UGGT1: variants seen among roughly 807,000 people sequenced by gnomAD.
UGGT1 encodes UDP-glucose:glycoprotein glucosyltransferase 1.
UGGT1 carries 107 observed loss-of-function variants against 203.9 expected under a neutral mutation model. That is an observed-to-expected ratio of 0.52 (90% CI 0.45 to 0.62). UGGT1 has a LOEUF of 0.62. UGGT1 is among the 20% of genes least tolerant of loss of function. The pLI, the probability that UGGT1 is intolerant of heterozygous loss-of-function variation, is 0.00. For synonymous variants in UGGT1, 628 were observed against 653.5 expected (o/e 0.96, Z 0.59); for missense variants, 1,673 against 1,867.2 (o/e 0.90, Z 1.92).
chr2:128,136,195 A>G (rs1210605900), intron 15 of UGGT1, among the ~76,000 whole-genome samples: 1 of 152,212 alleles, frequency 6.6e-6, no homozygotes, highest in Admixed American at 6.5e-5. Flanking sequence ...GTGGTCCTGC[A>G]TGTTGGCTGC....
intron 20 of UGGT1, 61 bp from the exon 21 acceptor site, chr2:128,156,331 G>A (rs1690226956): frequency 2.3e-6 from 3 of 1,282,610 alleles, no homozygotes; most frequent in Admixed American, 1.7e-5. Context: ...AATTTTTACA[G>A]TAGGCATTCA....
Position 128,192,801 on chromosome 2 carries a change from C to T in UGGT1, c.*3059C>T, listed in dbSNP as rs1032388222. 14 of 151,946 alleles carry T rather than the reference C, an allele frequency of 9.2e-5. No individual in the cohort carries two copies. The highest frequency in any genetic ancestry group is 3.4e-4 in the African/African-American group (14 of 41,368). The allele number at this position is 151,946 out of a possible 1,614,324, so 9.4% of individuals were successfully genotyped here. ...TTGTACATCTGTCATTGTTGCATTTCGAATTGAACACATAGATGCTTGCCT... is the reference window on the plus strand; with the variant it reads ...TTGTACATCTGTCATTGTTGCATTTTGAATTGAACACATAGATGCTTGCCT... On this transcript the variant is annotated 3_prime_UTR_variant, in exon 41 of 41. Transcript: ENST00000259253.
rs753885332 is a variant in UGGT1, at chr2:128,189,895, C to T, written c.*153C>T. On this transcript the variant is annotated 3_prime_UTR_variant, in exon 41 of 41. Transcript: ENST00000259253. ...TGAGCATTTGATTCTGACTTCTGTA[C>T]TCTGGTGGCCACTGGATCTTTGGGA... The T allele has an allele frequency of 1.1e-5, 8 of 757,076 alleles. No individual in the cohort carries two copies. In the Admixed American group the frequency reaches 1.3e-4, roughly 12 times the overall value. 46.9% of individuals were successfully genotyped at this position (757,076 alleles called of 1,614,324 possible). A position where few individuals can be genotyped will look rare whatever the true frequency, so the allele number is the denominator to read the frequency against.
At chr2:128,182,075 C>A in intron 36 of UGGT1, 55 bp from the exon 37 acceptor site, 1 of 1,564,384 alleles carries the variant, frequency 6.4e-7, no homozygotes, top group Non-Finnish European at 8.7e-7. Flanking sequence ...CTGAAGGAAA[C>A]CGCATTAGAG....
intron 15 of UGGT1, among the ~76,000 whole-genome samples, chr2:128,136,724 C>T (rs748945033): frequency 1.3e-5 from 2 of 152,196 alleles, no homozygotes; most frequent in Non-Finnish European, 2.9e-5. Context: ...CGGGTAAATA[C>T]CGAGGAGCGT....
chr2:128,181,421 T>C (rs1412399352), intron 36 of UGGT1, among the ~76,000 whole-genome samples: 2 of 152,186 alleles, frequency 1.3e-5, no homozygotes, highest in East Asian at 3.8e-4. Context: ...TTGTCATGGG[T>C]AATAGACGAA....
At chr2:128,186,979 T>C (rs1236441139) in intron 39 of UGGT1, among the ~76,000 whole-genome samples, 180 bp downstream of exon 39, 1 of 152,214 alleles carries the variant, frequency 6.6e-6, no homozygotes, top group East Asian at 1.9e-4. Flanking sequence ...CTTATAAATA[T>C]TCTTATCTTA....
At chr2:128,110,429 C>G (rs890357198) in intron 5 of UGGT1, among the ~76,000 whole-genome samples, 1 of 152,176 alleles carries the variant, frequency 6.6e-6, no homozygotes, top group Admixed American at 6.5e-5. Flanking sequence ...CCTCTGCCCA[C>G]CAAATGGCAT....
intron 11 of UGGT1, among the ~76,000 whole-genome samples, chr2:128,126,734 G>C (rs1688622493): frequency 1.4e-5 from 1 of 69,526 alleles, no homozygotes; most frequent in African/African-American, 4.1e-5. Flanking sequence ...TCAAGCTGGA[G>C]TGCAGTGGTG....
At chr2:128,121,341 C>T (rs911697655) in intron 10 of UGGT1, 43 bp downstream of exon 10, 9 of 1,391,942 alleles carry the variant, frequency 6.5e-6, no homozygotes, top group Non-Finnish European at 8.9e-6. Context: ...CATACCCAGT[C>T]ATCGTCATGT....
intron 2 of UGGT1, among the ~76,000 whole-genome samples, chr2:128,101,111 C>T (rs1573492829): frequency 6.6e-6 from 1 of 152,124 alleles, no homozygotes; most frequent in Non-Finnish European, 1.5e-5. Flanking sequence ...TATACAGTTT[C>T]CCAAGGTAAT....
In UGGT1 at chr2:128,192,643, C is replaced by T. The variant is rs11542864; in HGVS notation, c.*2901C>T. Reference sequence around the variant, plus strand: ...GTGTACAGTGGCATTTGATTGAGATCAAAGCCTGTCACAGCCTGCTGCTGG... The same window carrying T: ...GTGTACAGTGGCATTTGATTGAGATTAAAGCCTGTCACAGCCTGCTGCTGG... On this transcript the variant is annotated 3_prime_UTR_variant, in exon 41 of 41. Transcript: ENST00000259253. The T allele has an allele frequency of 0.13, 20,375 of 152,142 alleles. 1,766 individuals are homozygous for T. The highest frequency in any genetic ancestry group is 0.19 in the Non-Finnish European group (12,836 of 68,000). The allele number at this position is 152,142 out of a possible 1,614,324, so 9.4% of individuals were successfully genotyped here. A position where few individuals can be genotyped will look rare whatever the true frequency, so the allele number is the denominator to read the frequency against.
In UGGT1 at chr2:128,091,252, C is replaced by G. The variant is rs993032464; in HGVS notation, c.-106C>G. 1.6e-6 allele frequency: 2 copies of G among 1,231,396 alleles called. No homozygotes were observed. The highest frequency in any genetic ancestry group is 3.2e-5 in the African/African-American group (2 of 62,974). The allele number at this position is 1,231,396 out of a possible 1,614,324, so 76.3% of individuals were successfully genotyped here. A position where few individuals can be genotyped will look rare whatever the true frequency, so the allele number is the denominator to read the frequency against. Reference sequence around the variant, plus strand: ...GTGTTGAGTCGAGCCGCGGGAAAGGCGCGTGTCGGCCTCTCACTGGCGCAG... The same window carrying G: ...GTGTTGAGTCGAGCCGCGGGAAAGGGGCGTGTCGGCCTCTCACTGGCGCAG... On this transcript the variant is annotated 5_prime_UTR_variant, in exon 1 of 41. Transcript: ENST00000259253.
chr2:128,111,031 T>C (rs1169204077), intron 5 of UGGT1, among the ~76,000 whole-genome samples: 1 of 152,172 alleles, frequency 6.6e-6, no homozygotes, highest in African/African-American at 2.4e-5. Flanking sequence ...ATAAGTTTTT[T>C]TGGGAGAAGT....
chr2:128,099,197 G>A (rs1249980734), intron 2 of UGGT1, among the ~76,000 whole-genome samples: 1 of 152,150 alleles, frequency 6.6e-6, no homozygotes, highest in Non-Finnish European at 1.5e-5. Flanking sequence ...AGGCTAGAGT[G>A]TAGTGGTGTG....
rs1300984845 is a variant in UGGT1, at chr2:128,192,797, A to G, written c.*3055A>G. On this transcript the variant is annotated 3_prime_UTR_variant, in exon 41 of 41. Transcript: ENST00000259253. ...AAAGTTGTACATCTGTCATTGTTGCATTTCGAATTGAACACATAGATGCTT... is the reference window on the plus strand; with the variant it reads ...AAAGTTGTACATCTGTCATTGTTGCGTTTCGAATTGAACACATAGATGCTT... 1.2e-4 allele frequency: 19 copies of G among 152,026 alleles called. No homozygotes were observed. Among genetic ancestry groups the G allele is most frequent in the Admixed American group, 1.2e-3 (19 of 15,242 alleles). The allele number at this position is 152,026 out of a possible 1,614,324, so 9.4% of individuals were successfully genotyped here. A position where few individuals can be genotyped will look rare whatever the true frequency, so the allele number is the denominator to read the frequency against.
intron 26 of UGGT1, among the ~76,000 whole-genome samples, chr2:128,167,799 G>A (rs1006807473): frequency 6.7e-6 from 1 of 150,148 alleles, no homozygotes; most frequent in Non-Finnish European, 1.5e-5. Context: ...GTTTTTTTTC[G>A]AGTCCCTTTT....
intron 19 of UGGT1, among the ~76,000 whole-genome samples, 186 bp from the exon 20 acceptor site, chr2:128,155,303 C>T (rs1690174080): frequency 6.6e-6 from 1 of 152,170 alleles, no homozygotes; most frequent in Non-Finnish European, 1.5e-5. Flanking sequence ...AACCTTGTGT[C>T]TTTGATGTGT....
In UGGT1 at chr2:128,192,310, A is replaced by G. The variant is rs1330680680; in HGVS notation, c.*2568A>G. On this transcript the variant is annotated 3_prime_UTR_variant, in exon 41 of 41. Coordinates refer to ENST00000259253, the MANE Select transcript of UGGT1 (RefSeq NM_020120.4). The stretch of plus-strand genomic sequence containing the variant: ...GTTCATGTGGCATAATCATCTTTCA[A>G]AATTAACCAAATGCCCCAGAAAATG... 4.6e-5 allele frequency: 7 copies of G among 151,582 alleles called. No individual in the cohort carries two copies. Among genetic ancestry groups the G allele is most frequent in the South Asian group, 2.1e-4 (1 of 4,798 alleles). The allele number at this position is 151,582 out of a possible 1,614,324, so 9.4% of individuals were successfully genotyped here.
Sources: allele counts gnomAD v4.1 joint callset (sites outside exome capture counted in the v4.1 genomes callset), GRCh38; gene constraint gnomAD v4.1.1; transcripts MANE v1.5; gene names NCBI Gene and HGNC (gene_info 2026-07-23, HGNC 2026-07-21).